The following ZNF444 variants were observed in gnomAD, a reference collection of about 807,000 sequenced individuals.
The protein encoded by ZNF444 is endothelial zinc finger protein 2.
Under a neutral mutation model 14.4 loss-of-function variants are expected in ZNF444, and 8 were observed. That is an observed-to-expected ratio of 0.56 (90% CI 0.33 to 1.00). ZNF444 has a LOEUF of 1.00. Ranked by LOEUF, ZNF444 falls within the 50% of genes least tolerant of loss-of-function variation. ZNF444 has a pLI of 0.03. For missense variants in ZNF444, 510 were observed against 504.8 expected (o/e 1.01, Z -0.10); for synonymous variants, 258 against 235.9 (o/e 1.09, Z -0.86).
At position 56,145,390 on chromosome 19, in the gene ZNF444, A is replaced by G. The variant is rs866789474; in HGVS notation, c.-196-857A>G. ...CACCTGAGGTCAGGAGTTTGAGACC[A>G]GTCTGGCCAACCTGGCGAAACCCCG... On this transcript the variant is annotated intron_variant, in intron 1 of 4. Transcript: ENST00000337080. This position sits in a 1 kb window ranked among gnomAD's most constrained non-coding sequence, Gnocchi z 4.3. Among the ~76,000 whole-genome samples the G allele has an allele frequency of 1.3e-5, 2 of 152,232 alleles. No individual in the cohort carries two copies. Among genetic ancestry groups the G allele is most frequent in the Non-Finnish European group, 2.9e-5 (2 of 68,046 alleles).
At chr19:56,152,680 T>C (rs1186284928) in intron 3 of ZNF444, among the ~76,000 whole-genome samples, 1 of 152,150 alleles carries the variant, frequency 6.6e-6, no homozygotes, top group Non-Finnish European at 1.5e-5. Flanking sequence ...CTCACAGTTC[T>C]GCAGGCTGGG....
chr19:56,147,220 G>A lies in ZNF444; in HGVS notation c.297+12G>A. The A allele has an allele frequency of 1.4e-6, 2 of 1,416,372 alleles. No individual in the cohort carries two copies. The highest frequency in any genetic ancestry group is 1.8e-6 in the Non-Finnish European group (2 of 1,090,900). The allele number at this position is 1,416,372 out of a possible 1,614,324, so 87.7% of individuals were successfully genotyped here. ...TGGAGGAGCTCTGGGTGAGCCTGGC[G>A]GGACTGCAAGCGGGGAAGGGAGAGG... On this transcript the variant is annotated intron_variant, in intron 3 of 4. Transcript: ENST00000337080. The surrounding 1 kb of genome is among the most constrained non-coding windows in gnomAD (Gnocchi z 5.9).
intron 1 of ZNF444, among the ~76,000 whole-genome samples, chr19:56,133,234 G>A (rs8108114): frequency 0.026 from 3,950 of 151,482 alleles, 175 homozygotes; most frequent in African/African-American, 0.09. Context: ...CACCATGCCC[G>A]GCTAATTTTT....
rs1244122345 is a variant in ZNF444 at position 56,144,402 on chromosome 19, T to C, written c.-196-1845T>C. Among the ~76,000 whole-genome samples the C allele has an allele frequency of 1.3e-5, 2 of 152,134 alleles. No homozygotes were observed. The highest frequency in any genetic ancestry group is 2.9e-5 in the Non-Finnish European group (2 of 68,028). On this transcript the variant is annotated intron_variant, in intron 1 of 4. Transcript: ENST00000337080. The surrounding 1 kb of genome is among the most constrained non-coding windows in gnomAD (Gnocchi z 4.0). ...GATGAGAAAGTAGGGCTGGGCTGCA[T>C]GGTCTCATGGCCATAGTAAGCAATT... is the stretch of plus-strand genomic sequence containing the variant.
chr19:56,145,238 A>G lies in ZNF444; in HGVS notation c.-196-1009A>G, dbSNP rs2031097822. ...ATGGGAGTCATATCTATTGTTACGT[A>G]TCATAGTAGAAACCAAAACAGAAAA... On this transcript the variant is annotated intron_variant, in intron 1 of 4. Transcript: ENST00000337080. The surrounding 1 kb of genome is among the most constrained non-coding windows in gnomAD (Gnocchi z 4.3). Among the ~76,000 whole-genome samples the G allele has an allele frequency of 6.6e-6, 1 of 152,240 alleles. No individual in the cohort carries two copies. Among genetic ancestry groups the G allele is most frequent in the Non-Finnish European group, 1.5e-5 (1 of 68,044 alleles).
intron 4 of ZNF444, among the ~76,000 whole-genome samples, chr19:56,159,004 C>T (rs1259301651): frequency 6.6e-6 from 1 of 151,674 alleles, no homozygotes; most frequent in East Asian, 1.9e-4. Flanking sequence ...ATCCATCCAT[C>T]TACTCATCCA....
chr19:56,159,574 T>C (rs1039434731), intron 4 of ZNF444, 50 bp from the exon 5 acceptor site: 1 of 1,407,222 alleles, frequency 7.1e-7, no homozygotes, highest in Non-Finnish European at 9.3e-7. Flanking sequence ...TGTGCTGTCC[T>C]TGCCCCGCCC....
intron 1 of ZNF444, among the ~76,000 whole-genome samples, chr19:56,134,953 C>T (rs373868797): frequency 9.2e-5 from 14 of 151,944 alleles, no homozygotes; most frequent in African/African-American, 2.9e-4. Flanking sequence ...AATGTCAGGC[C>T]GGGCACGGTG....
chr19:56,139,205 T>G (rs1599986192), upstream of ZNF444, among the ~76,000 whole-genome samples: 1 of 151,548 alleles, frequency 6.6e-6, no homozygotes, highest in Non-Finnish European at 1.5e-5. Flanking sequence ...CCTTTGGCGC[T>G]GTGTGGAGCA....
rs73617507 is a variant in ZNF444, at chr19:56,146,855, G to T, written c.-22-35G>T. On this transcript the variant is annotated intron_variant, in intron 2 of 4. Coordinates refer to ENST00000337080, the MANE Select transcript of ZNF444 (RefSeq NM_018337.4). Reference sequence around the variant, plus strand: ...GTCTGGGCACCGCGGGCAGGGTCTCGGCGGGCAGGGGTCTCACCGGCTTGT... The same window carrying T: ...GTCTGGGCACCGCGGGCAGGGTCTCTGCGGGCAGGGGTCTCACCGGCTTGT... The T allele has an allele frequency of 3.8e-3, 5,031 of 1,328,564 alleles. 94 individuals are homozygous for T. The African/African-American group carries it at 0.05, about 13-fold the overall frequency. The allele number at this position is 1,328,564 out of a possible 1,614,324, so 82.3% of individuals were successfully genotyped here.
intron 3 of ZNF444, chr19:56,158,136 T>G: frequency 5.3e-6 from 1 of 189,274 alleles, no homozygotes; most frequent in Non-Finnish European, 1.1e-5. Flanking sequence ...CACCCCACAC[T>G]CAGGGGTGTA....
rs886137857 is a variant in ZNF444, at chr19:56,151,983, C to T, written c.297+4775C>T. 6.2e-5 allele frequency: 28 copies of T among 453,230 alleles called. No homozygotes were observed. The East Asian group carries it at 7.0e-4, about 11-fold the overall frequency. The allele number at this position is 453,230 out of a possible 1,614,324, so 28.1% of individuals were successfully genotyped here. A position where few individuals can be genotyped will look rare whatever the true frequency, so the allele number is the denominator to read the frequency against. On this transcript the variant is annotated intron_variant, in intron 3 of 4. Coordinates refer to ENST00000337080, the MANE Select transcript of ZNF444 (RefSeq NM_018337.4). ...TGCCGGATGAGAAGGAGAGGACAGC[C>T]GAGGAGAGGCTCCTGTACTGGTAGA... is the stretch of plus-strand genomic sequence containing the variant.
At chr19:56,156,502 TATG>T (rs978635179) in intron 3 of ZNF444, 1 of 152,176 alleles carries the variant, frequency 6.6e-6, no homozygotes, top group Non-Finnish European at 1.5e-5. Flanking sequence ...AGGGGGGTGT[TATG>T]GCCCACAATC....
chr19:56,137,180 G>A (rs918354634), upstream of ZNF444, among the ~76,000 whole-genome samples: 1 of 151,432 alleles, frequency 6.6e-6, no homozygotes, highest in African/African-American at 2.4e-5. Context: ...TTAAAAGAGT[G>A]ACCCATGAGG....
chr19:56,150,010 T>G (rs1429170514), intron 3 of ZNF444: 1 of 160,476 alleles, frequency 6.2e-6, no homozygotes, highest in Non-Finnish European at 1.4e-5. Context: ...GTGTACATCT[T>G]TGGGGCCATT....
At position 56,160,479 on chromosome 19, in the gene ZNF444, C is replaced by T. The variant is rs1011699415; in HGVS notation, c.*278C>T. On this transcript the variant is annotated 3_prime_UTR_variant, in exon 5 of 5. Transcript: ENST00000337080. ...TGAAGGGGCCTCTCCCTAATGTCTC[C>T]TCCTTCCCCCCTCTTCTCTCTCCTG... 6 of 416,522 alleles carry T rather than the reference C, an allele frequency of 1.4e-5. No individual in the cohort carries two copies. The highest frequency in any genetic ancestry group is 2.1e-5 in the Non-Finnish European group (5 of 235,612). 25.8% of individuals were successfully genotyped at this position (416,522 alleles called of 1,614,324 possible). A position where few individuals can be genotyped will look rare whatever the true frequency, so the allele number is the denominator to read the frequency against.
At position 56,159,777 on chromosome 19, in the gene ZNF444, C is replaced by T. The variant is rs764572246; in HGVS notation, c.560C>T (p.Thr187Met). 9.4e-6 allele frequency: 15 copies of T among 1,594,784 alleles called. No homozygotes were observed. Among genetic ancestry groups the T allele is most frequent in the South Asian group, 3.4e-5 (3 of 88,900 alleles). ...GTTSCPECGK[T>M]SLKPAHLLRH... ...ACGTCCTGCCCCGAGTGCGGCAAAA[C>T]GTCCCTGAAACCAGCTCACCTGCTG... Residue 187 changes from threonine (T) to methionine (M), a missense_variant, in exon 5 of 5, where the codon ACG becomes ATG. Transcript: ENST00000337080.
chr19:56,151,065 GA>G, intron 3 of ZNF444: 1 of 268,580 alleles, frequency 3.7e-6, no homozygotes, highest in Middle Eastern at 4.1e-4. Context: ...CGCTGCTGTG[GA>G]TTGGGGTTTC....
upstream of ZNF444, among the ~76,000 whole-genome samples, chr19:56,138,792 CT>C (rs59273024): frequency 1.7e-3 from 156 of 92,862 alleles, 1 homozygote; most frequent in African/African-American, 5.5e-3. Context: ...CTTGAATGTA[CT>C]TTTTTTTTTT....
Sources: allele counts gnomAD v4.1 joint callset (sites outside exome capture counted in the v4.1 genomes callset), GRCh38; gene constraint gnomAD v4.1.1; non-coding constraint Gnocchi (gnomAD v3.1); transcripts MANE v1.5; gene names NCBI Gene and HGNC (gene_info 2026-07-23, HGNC 2026-07-21).